Variants in PALLD observed in about 807,000 individuals in gnomAD.
PALLD encodes the protein palladin, cytoskeletal associated protein, also known as palladin.
PALLD carries 61 observed loss-of-function variants against 123.5 expected under a neutral mutation model. The observed-to-expected ratio is 0.49, with a 90% CI of 0.40 to 0.61. The LOEUF (loss-of-function observed/expected upper bound fraction) is 0.61, where lower values mean the gene tolerates loss of function less well. Among genes scored for constraint, PALLD ranks in the 20% least tolerant of loss-of-function variants. The pLI is 0.00. For missense variants in PALLD, 1,273 were observed against 1,377.0 expected (o/e 0.92, Z 1.20); for synonymous variants, 465 against 496.4 (o/e 0.94, Z 0.84).
intron 7 of PALLD, 24 bp from the exon 8 acceptor site, chr4:168,691,245 T>G (rs776501733): frequency 8.8e-6 from 14 of 1,586,538 alleles, no homozygotes; most frequent in Non-Finnish European, 1.2e-5. Context: ...TTGTTCTAAT[T>G]TATTTTTTTC....
At chr4:168,842,261 T>C (rs1264189260) in intron 10 of PALLD, among the ~76,000 whole-genome samples, 1 of 152,232 alleles carries the variant, frequency 6.6e-6, no homozygotes, top group African/African-American at 2.4e-5. Flanking sequence ...GTGATGGGCA[T>C]TCAACTGAAA....
At chr4:168,615,364 A>T (rs1000846323) in intron 2 of PALLD, among the ~76,000 whole-genome samples, 3 of 152,192 alleles carry the variant, frequency 2.0e-5, no homozygotes, top group African/African-American at 7.2e-5. Context: ...ATTTATCTTC[A>T]TTACCATCTA....
chr4:168,673,926 G>A, intron 3 of PALLD, among the ~76,000 whole-genome samples: 1 of 151,924 alleles, frequency 6.6e-6, no homozygotes. Context: ...GTCTGTGTGT[G>A]TATTTGGAGA....
chr4:168,919,682 T>C (rs912686406), intron 17 of PALLD, among the ~76,000 whole-genome samples: 1 of 152,160 alleles, frequency 6.6e-6, no homozygotes, highest in Non-Finnish European at 1.5e-5. Context: ...CCTCCCCTTT[T>C]AGCCCCTGAG....
chr4:168,754,892 G>A (rs1315808813), intron 10 of PALLD, among the ~76,000 whole-genome samples: 55 of 152,162 alleles, frequency 3.6e-4, no homozygotes, highest in Non-Finnish European at 3.1e-4. Context: ...CAGTTAATAG[G>A]AAAACAAGTA....
chr4:168,519,518 GTT>G (rs11434777), intron 2 of PALLD, among the ~76,000 whole-genome samples: 4 of 151,084 alleles, frequency 2.6e-5, no homozygotes, highest in Non-Finnish European at 5.9e-5. Context: ...TTTTTAAAAT[GTT>G]TTTTTTTGTT....
chr4:168,505,149 A>AT, intron 1 of PALLD, among the ~76,000 whole-genome samples: 1 of 152,310 alleles, frequency 6.6e-6, no homozygotes, highest in Middle Eastern at 3.4e-3. Flanking sequence ...TTGAATGAGC[A>AT]TTTTCCCTAG....
At chr4:168,656,900 C>A (rs1254750026) in intron 2 of PALLD, among the ~76,000 whole-genome samples, 1 of 152,216 alleles carries the variant, frequency 6.6e-6, no homozygotes, top group Non-Finnish European at 1.5e-5. Flanking sequence ...TGTTTCAACT[C>A]AGGGGCCAAC....
intron 10 of PALLD, among the ~76,000 whole-genome samples, chr4:168,845,789 G>C (rs1746756458): frequency 6.6e-6 from 1 of 152,212 alleles, no homozygotes; most frequent in Admixed American, 6.5e-5. Flanking sequence ...GACTAAGAAA[G>C]TACCAGTGGG....
intron 2 of PALLD, among the ~76,000 whole-genome samples, chr4:168,514,822 A>T (rs549160056): frequency 4.1e-4 from 63 of 152,354 alleles, no homozygotes; most frequent in African/African-American, 1.1e-3. Context: ...GCATTGAAGG[A>T]TTAATTCAGG....
rs1250369065 is a variant in PALLD at position 168,690,718 on chromosome 4, C to T, written c.1451C>T (p.Ser484Phe). Residue 484 changes from serine (S) to phenylalanine (F), a missense_variant, in exon 7 of 22, where the codon TCT (serine) becomes TTT (phenylalanine). By Grantham distance (155) the Ser-to-Phe change is radical. This residue lies in a region of PALLD where 944 missense variants were observed against 954.5 expected (regional missense o/e 0.99). Coordinates refer to ENST00000505667, the MANE Select transcript of PALLD (RefSeq NM_001166108.2). ...CGGCAAGGGAGTGAAATCCAAGACT[C>T]TCCAGATTTCCGAATTCTACAGAAA... is the stretch of plus-strand genomic sequence containing the variant. The part of the protein sequence containing the change: ...WFRQGSEIQD[S>F]PDFRILQKKP... 2.5e-6 allele frequency: 4 copies of T among 1,614,064 alleles called. No homozygotes were observed. The highest frequency in any genetic ancestry group is 3.4e-6 in the Non-Finnish European group (4 of 1,180,040).
chr4:168,784,328 G>GA (rs1321957555), intron 10 of PALLD, among the ~76,000 whole-genome samples: 59 of 145,162 alleles, frequency 4.1e-4, no homozygotes, highest in Admixed American at 1.0e-3. Context: ...GCAAGACCCT[G>GA]AAAAAAAAAA....
chr4:168,893,542 G>A (rs1406198579), intron 11 of PALLD, among the ~76,000 whole-genome samples: 1 of 152,192 alleles, frequency 6.6e-6, no homozygotes, highest in Non-Finnish European at 1.5e-5. Flanking sequence ...ATATTTAGAA[G>A]TTTGGAAGTT....
At chr4:168,521,482 C>T (rs370131566) in intron 2 of PALLD, among the ~76,000 whole-genome samples, 18 of 152,162 alleles carry the variant, frequency 1.2e-4, no homozygotes, top group East Asian at 9.6e-4. Context: ...ACTGTTAGCA[C>T]ATTGTAGTGT....
At chr4:168,670,749 AAAAAAAC>A (rs1184557425) in intron 3 of PALLD, among the ~76,000 whole-genome samples, 19 of 97,748 alleles carry the variant, frequency 1.9e-4, no homozygotes, top group South Asian at 2.8e-4. Flanking sequence ...CAAAAAAACA[AAAAAAAC>A]AAAAAAAACA....
intron 10 of PALLD, among the ~76,000 whole-genome samples, chr4:168,794,439 A>C (rs1738113629): frequency 9.4e-6 from 1 of 106,526 alleles, no homozygotes; most frequent in African/African-American, 3.3e-5. Flanking sequence ...GCGCGCACAC[A>C]CATAGACATA....
intron 8 of PALLD, among the ~76,000 whole-genome samples, chr4:168,702,886 ATTTAT>A (rs1416906707): frequency 4.0e-5 from 6 of 148,722 alleles, no homozygotes; most frequent in Non-Finnish European, 8.9e-5. Flanking sequence ...TTATTTATTT[ATTTAT>A]TTTATTTATT....
intron 10 of PALLD, among the ~76,000 whole-genome samples, chr4:168,824,119 T>C (rs1458392972): frequency 2.6e-5 from 4 of 152,262 alleles, no homozygotes; most frequent in Admixed American, 6.5e-5. Flanking sequence ...ATGAGACTTT[T>C]GCTAAAATTG....
At chr4:168,749,779 G>T (rs922902138) in intron 10 of PALLD, among the ~76,000 whole-genome samples, 4 of 152,106 alleles carry the variant, frequency 2.6e-5, no homozygotes, top group Non-Finnish European at 5.9e-5. Flanking sequence ...TTACATGGGG[G>T]TATTGTATGA....
Sources: gnomAD v4.1 joint callset for allele counts (sites outside exome capture counted in the v4.1 genomes callset) on GRCh38, gnomAD v4.1.1 for gene constraint, gnomAD v4.1.1 regional missense constraint, MANE v1.5 for transcripts, NCBI Gene and HGNC (gene_info 2026-07-23, HGNC 2026-07-21) for gene names.